RAB19: variants seen among roughly 807,000 people sequenced by gnomAD.
The protein encoded by RAB19 is RAB19, member RAS oncogene family, also known as ras-related protein Rab-19.
RAB19 carries 21 observed loss-of-function variants against 17.3 expected under a neutral mutation model. The observed-to-expected ratio is 1.21, with a 90% CI of 0.86 to 1.74. RAB19 has a LOEUF of 1.74. Ranked by LOEUF, RAB19 falls within the 40% of genes most tolerant of loss-of-function variation. RAB19 has a pLI of 0.00. For synonymous variants in RAB19, 126 were observed against 110.4 expected (o/e 1.14, Z -0.88); for missense variants, 277 against 286.8 (o/e 0.97, Z 0.25).
chr7:140,415,677 G>A (rs1046700570), intron 3 of RAB19, among the ~76,000 whole-genome samples: 1 of 152,184 alleles, frequency 6.6e-6, no homozygotes, highest in Admixed American at 6.6e-5. Context: ...TCAATGCTGG[G>A]CATGGTGGCT....
chr7:140,410,070 G>A (rs73163257), intron 2 of RAB19, among the ~76,000 whole-genome samples: 9,018 of 150,896 alleles, frequency 0.06, 410 homozygotes, highest in Non-Finnish European at 0.095. Flanking sequence ...AACAGAAAGG[G>A]CTAGATGAAG....
chr7:140,405,997 C>T (rs1055715380), intron 1 of RAB19, among the ~76,000 whole-genome samples: 1 of 151,916 alleles, frequency 6.6e-6, no homozygotes, highest in Admixed American at 6.6e-5. Flanking sequence ...AATCCCAACA[C>T]TTTGGGAGGT....
intron 3 of RAB19, among the ~76,000 whole-genome samples, chr7:140,413,758 G>A (rs1265975296): frequency 1.3e-5 from 2 of 152,116 alleles, no homozygotes; most frequent in Non-Finnish European, 2.9e-5. Flanking sequence ...GTAGAGCAAA[G>A]ATGGGAGAGC....
Position 140,407,866 on chromosome 7 carries a change from G to A in RAB19, c.201+19G>A, listed in dbSNP as rs773874205. The A allele has an allele frequency of 6.4e-6, 10 of 1,556,506 alleles. No individual in the cohort carries two copies. Among genetic ancestry groups the A allele is most frequent in the Admixed American group, 3.6e-5 (2 of 55,546 alleles). On this transcript the variant is annotated intron_variant, in intron 2 of 3. Coordinates refer to ENST00000537763, the MANE Select transcript of RAB19 (RefSeq NM_001008749.3). ...AGTGAAGGTCAGAGGGCACCGGGAC[G>A]GGACTGGTTCCACCTTTTTTTTTTT...
intron 1 of RAB19, among the ~76,000 whole-genome samples, chr7:140,406,217 C>T (rs1427140343): frequency 1.5e-5 from 2 of 130,570 alleles, no homozygotes; most frequent in Non-Finnish European, 3.1e-5. Flanking sequence ...CATTGCATTC[C>T]AGCCTGGGCA....
intron 3 of RAB19, among the ~76,000 whole-genome samples, chr7:140,415,866 G>C (rs376923053): frequency 3.6e-4 from 55 of 150,828 alleles, no homozygotes; most frequent in African/African-American, 5.4e-4. Context: ...GATCACACCA[G>C]TGCACTCCAA....
chr7:140,415,270 T>G (rs1185401862), intron 3 of RAB19, among the ~76,000 whole-genome samples: 4 of 152,044 alleles, frequency 2.6e-5, no homozygotes, highest in Non-Finnish European at 5.9e-5. Flanking sequence ...AGACAGGGTT[T>G]CACCATGTTG....
chr7:140,415,810 C>T (rs951685860), intron 3 of RAB19, among the ~76,000 whole-genome samples: 5 of 151,596 alleles, frequency 3.3e-5, no homozygotes, highest in South Asian at 2.1e-4. Context: ...GAGGCTGAGG[C>T]AGGAGACTTG....
At chr7:140,417,667 T>A (rs954865309) in intron 3 of RAB19, among the ~76,000 whole-genome samples, 3 of 152,156 alleles carry the variant, frequency 2.0e-5, no homozygotes, top group Non-Finnish European at 4.4e-5. Flanking sequence ...AAACAACAGA[T>A]GTGTTCACCC....
chr7:140,411,249 A>C (rs1003044293), intron 2 of RAB19, among the ~76,000 whole-genome samples: 3 of 152,112 alleles, frequency 2.0e-5, no homozygotes, highest in African/African-American at 7.2e-5. Flanking sequence ...AATACAAAAA[A>C]ATTAGCTGGG....
chr7:140,417,743 C>A (rs947610836), intron 3 of RAB19, among the ~76,000 whole-genome samples: 13 of 152,200 alleles, frequency 8.5e-5, no homozygotes, highest in Admixed American at 8.5e-4. Context: ...TCAGCAGGGC[C>A]GTGCCCCTCT....
At chr7:140,424,666 TATATATATATATATATACAC>T (rs1799631500) in intron 3 of RAB19, among the ~76,000 whole-genome samples, 2 of 53,886 alleles carry the variant, frequency 3.7e-5, no homozygotes, top group African/African-American at 3.1e-4. Flanking sequence ...TGTGTGTGTA[TATATATATATATATATACAC>T]ATATCTATAT....
chr7:140,419,729 C>T (rs546335476), intron 3 of RAB19, among the ~76,000 whole-genome samples: 10 of 152,262 alleles, frequency 6.6e-5, no homozygotes, highest in African/African-American at 2.4e-4. Context: ...CCAGAGTGGT[C>T]GTTCTAGTGT....
chr7:140,407,674 G>A lies in RAB19; in HGVS notation c.28G>A (p.Ala10Thr), dbSNP rs769494285. 6 of 1,614,114 alleles carry A rather than the reference G, an allele frequency of 3.7e-6. No individual in the cohort carries two copies. In the South Asian group the frequency reaches 6.6e-5, roughly 18 times the overall value. ...GCACTTCTCCAGCTCAGCCAGGGCA[G>A]CAGATGAGAACTTTGACTATTTGTT... MHFSSSARA[A>T]DENFDYLFKI... The change falls in exon 2 of 4, where the codon GCA becomes ACA. Residue 10 changes from alanine (A) to threonine (T), a missense_variant. By Grantham distance (58) the Ala-to-Thr change is moderately conservative. Transcript: ENST00000537763.
chr7:140,414,623 G>A (rs796839440), intron 3 of RAB19, among the ~76,000 whole-genome samples: 2 of 152,282 alleles, frequency 1.3e-5, no homozygotes, highest in African/African-American at 4.8e-5. Context: ...CAGTTTATAA[G>A]GTGTCCATGC....
At chr7:140,405,866 T>C (rs1305743161) in intron 1 of RAB19, among the ~76,000 whole-genome samples, 1 of 151,938 alleles carries the variant, frequency 6.6e-6, no homozygotes, top group Non-Finnish European at 1.5e-5. Context: ...AAGTCTGGGA[T>C]GAGCTCCAAA....
intron 1 of RAB19, among the ~76,000 whole-genome samples, chr7:140,406,187 G>A (rs939884744): frequency 7.1e-6 from 1 of 141,700 alleles, no homozygotes; most frequent in Non-Finnish European, 1.5e-5. Context: ...AGGTTGCAGT[G>A]CAGTGAGCCA....
chr7:140,420,756 G>T (rs1799547609), intron 3 of RAB19, among the ~76,000 whole-genome samples: 1 of 152,110 alleles, frequency 6.6e-6, no homozygotes, highest in African/African-American at 2.4e-5. Context: ...TGGGCACTAG[G>T]TTCTCTTGAA....
intron 3 of RAB19, among the ~76,000 whole-genome samples, chr7:140,417,074 A>C (rs1303830388): frequency 8.0e-6 from 1 of 125,422 alleles, no homozygotes; most frequent in Non-Finnish European, 1.7e-5. Context: ...AAAAATACAA[A>C]AAAAAAAAAA....
Sources: gnomAD v4.1 joint callset for allele counts (sites outside exome capture counted in the v4.1 genomes callset) on GRCh38, gnomAD v4.1.1 for gene constraint, MANE v1.5 for transcripts, NCBI Gene and HGNC (gene_info 2026-07-23, HGNC 2026-07-21) for gene names.